The following GGCX variants were observed in gnomAD, a reference collection of about 807,000 sequenced individuals.
GGCX encodes the protein gamma-glutamyl carboxylase.
Under a neutral mutation model 88.5 loss-of-function variants are expected in GGCX, and 63 were observed. The ratio of observed to expected loss-of-function variants is 0.71; its 90% confidence interval spans 0.58 to 0.88. The LOEUF (loss-of-function observed/expected upper bound fraction) is 0.88. GGCX is among the 40% of genes least tolerant of loss of function. The pLI, the probability that GGCX is intolerant of heterozygous loss-of-function variation, is 0.00. For synonymous variants in GGCX, 368 were observed against 365.8 expected, an observed-to-expected ratio of 1.01 and a Z score of -0.07; for missense variants, 805 against 932.9, an observed-to-expected ratio of 0.86 and a Z score of 1.79.
intron 7 of GGCX, 25 bp from the exon 8 acceptor site, chr2:85,553,522 T>C (rs1226948219): frequency 6.2e-7 from 1 of 1,612,104 alleles, no homozygotes; most frequent in Non-Finnish European, 8.5e-7. Flanking sequence ...AGAAAATACA[T>C]ATTTCAGGAG....
intron 7 of GGCX, 50 bp downstream of exon 7, chr2:85,554,093 C>G (rs1165870664): frequency 1.0e-5 from 15 of 1,469,598 alleles, no homozygotes; most frequent in African/African-American, 1.4e-5. Flanking sequence ...TGGCTAGTCC[C>G]TTCCTGCAAA....
intron 5 of GGCX, 96 bp downstream of exon 5, chr2:85,556,086 C>A: frequency 1.2e-6 from 1 of 800,208 alleles, no homozygotes; most frequent in Non-Finnish European, 2.2e-6. Flanking sequence ...AACAGAAGAT[C>A]CAGGGAGGCA....
chr2:85,561,388 G>A lies in GGCX; in HGVS notation c.41C>T (p.Ser14Leu), dbSNP rs886812958. 1 of 1,567,806 alleles carries A rather than the reference G, an allele frequency of 6.4e-7. No homozygotes were observed. The highest frequency in any genetic ancestry group is 1.3e-5 in the African/African-American group (1 of 74,582). The stretch of plus-strand genomic sequence containing the variant: ...GGAGGGCGGGGTCCTAAGCCTACCT[G>A]AGCTGGGCGAGGTCCGCGCGGACCC... ...SAGSARTSPS[S>L]DKVQKDKAEL... The change falls in exon 1 of 15, where the codon TCA (serine) becomes TTA (leucine). Residue 14 changes from serine (S) to leucine (L), a missense_variant and splice_region_variant. Ser to Leu is a moderately radical substitution (Grantham distance 145). Coordinates refer to ENST00000233838, the MANE Select transcript of GGCX (RefSeq NM_000821.7).
At chr2:85,555,916 T>C (rs1452466758) in intron 5 of GGCX, among the ~76,000 whole-genome samples, 1 of 152,130 alleles carries the variant, frequency 6.6e-6, no homozygotes, top group East Asian at 1.9e-4. Flanking sequence ...AAGGAAGAAG[T>C]CATAAAGCAC....
intron 6 of GGCX, chr2:85,555,232 T>G: frequency 2.6e-6 from 1 of 390,386 alleles, no homozygotes; most frequent in Non-Finnish European, 4.9e-6. Flanking sequence ...GTCAGCCAGT[T>G]CCGGCTCTTT....
In GGCX at chr2:85,556,232, T is replaced by C. The variant is rs771921693; in HGVS notation, c.568A>G (p.Arg190Gly). 1 of 1,612,740 alleles carries C rather than the reference T, an allele frequency of 6.2e-7. No homozygotes were observed. The highest frequency in any genetic ancestry group is 8.5e-7 in the Non-Finnish European group (1 of 1,178,852). ...WSVDGLLNAH[R>G]RNAHVPLWNY... is the part of the protein sequence containing the mutation. ...CAAAGGGGCACGTGGGCATTCCTCC[T>C]ATGGGCATTCAGCAGACCGTCCACA... The change falls in exon 5 of 15, where the codon AGG becomes GGG. Residue 190 changes from arginine to glycine, a missense_variant. Physicochemically the swap from Arg to Gly is moderately radical, Grantham distance 125. Transcript: ENST00000233838.
Position 85,545,885 on chromosome 2 carries a change from T to G in GGCX, c.*4049A>C, listed in dbSNP as rs1236442111. 2 of 152,248 alleles carry G rather than the reference T, an allele frequency of 1.3e-5. No homozygotes were observed. The highest frequency in any genetic ancestry group is 2.9e-5 in the Non-Finnish European group (2 of 68,034). The allele number at this position is 152,248 out of a possible 1,614,324, so 9.4% of individuals were successfully genotyped here. On this transcript the variant is annotated 3_prime_UTR_variant, in exon 15 of 15. Coordinates refer to ENST00000233838, the MANE Select transcript of GGCX (RefSeq NM_000821.7). ...ATTTCTAGTCAATATCTTGCAGAGA[T>G]AAATAATGCAAATTAGCTGAAAATG... is the stretch of plus-strand genomic sequence containing the variant.
Position 85,548,476 on chromosome 2 carries a change from T to G in GGCX, c.*1458A>C, listed in dbSNP as rs1469466247. On this transcript the variant is annotated 3_prime_UTR_variant, in exon 15 of 15. Coordinates refer to ENST00000233838, the MANE Select transcript of GGCX (RefSeq NM_000821.7). The stretch of plus-strand genomic sequence containing the variant: ...GCACAGGAAAGAAACCTAGCATCGT[T>G]GGAAATCCTGGAGTAGACACAATCA... 2.0e-5 allele frequency: 3 copies of G among 152,214 alleles called. No homozygotes were observed. Among genetic ancestry groups the G allele is most frequent in the African/African-American group, 7.2e-5 (3 of 41,432 alleles). 9.4% of individuals were successfully genotyped at this position (152,214 alleles called of 1,614,324 possible). A position where few individuals can be genotyped will look rare whatever the true frequency, so the allele number is the denominator to read the frequency against.
In GGCX at chr2:85,545,671, A is replaced by G. The variant is rs1691624494; in HGVS notation, c.*4263T>C. The G allele has an allele frequency of 6.6e-6, 1 of 152,036 alleles. No individual in the cohort carries two copies. The highest frequency in any genetic ancestry group is 2.4e-5 in the African/African-American group (1 of 41,276). The allele number at this position is 152,036 out of a possible 1,614,324, so 9.4% of individuals were successfully genotyped here. A position where few individuals can be genotyped will look rare whatever the true frequency, so the allele number is the denominator to read the frequency against. On this transcript the variant is annotated 3_prime_UTR_variant, in exon 15 of 15. Transcript: ENST00000233838. ...CAGCAGCCATTCAATGCCATTTTTA[A>G]GTTTTCAACTAAGGTTGAGGGCTTC...
intron 3 of GGCX, 111 bp downstream of exon 3, chr2:85,558,806 T>C (rs915621382): frequency 1.9e-6 from 2 of 1,025,828 alleles, no homozygotes; most frequent in Non-Finnish European, 3.1e-6. Context: ...CAGCATGAAA[T>C]TGATCACAGC....
intron 4 of GGCX, among the ~76,000 whole-genome samples, chr2:85,557,453 A>G (rs1692251756): frequency 6.6e-6 from 1 of 152,186 alleles, no homozygotes; most frequent in Non-Finnish European, 1.5e-5. Context: ...ACGCCACTGC[A>G]CTCTAGCCTG....
Position 85,554,172 on chromosome 2 carries a change from T to C in GGCX, c.860A>G (p.His287Arg), listed in dbSNP as rs185952482. The C allele has an allele frequency of 6.2e-7, 1 of 1,613,162 alleles. No homozygotes were observed. The highest frequency in any genetic ancestry group is 1.7e-5 in the Admixed American group (1 of 60,002). The part of the protein sequence containing the change: ...SIGLFFVSYF[H>R]CMNSQLFSIG... The stretch of plus-strand genomic sequence containing the variant: ...GCTGAAAAGCTGGGAATTCATGCAG[T>C]GGAAGTAGGACACAAAGAACAGGCC... Residue 287 changes from histidine to arginine, a missense_variant, in exon 7 of 15, where the codon CAC becomes CGC. His to Arg is a conservative substitution (Grantham distance 29). Around this residue, in one of 3 missense-constraint regions of GGCX, gnomAD observed 680 missense variants for 763.7 expected, o/e 0.89. Coordinates refer to ENST00000233838, the MANE Select transcript of GGCX (RefSeq NM_000821.7).
intron 7 of GGCX, chr2:85,553,861 A>T (rs1420901061): frequency 2.0e-6 from 1 of 490,872 alleles, no homozygotes; most frequent in Non-Finnish European, 3.7e-6. Context: ...TCGGCCTCCC[A>T]AAGTGCTAGG....
At chr2:85,556,340 T>A in intron 4 of GGCX, 80 bp from the exon 5 acceptor site, 2 of 859,732 alleles carry the variant, frequency 2.3e-6, no homozygotes, top group Non-Finnish European at 3.9e-6. Flanking sequence ...TACACGATAA[T>A]CCTATCTATC....
At chr2:85,554,625 C>G in intron 6 of GGCX, 1 of 400,242 alleles carries the variant, frequency 2.5e-6, no homozygotes, top group Non-Finnish European at 4.7e-6. Flanking sequence ...GCCACCACGC[C>G]TAGCTGTTTT....
chr2:85,545,537 C>T lies in GGCX; in HGVS notation c.*4397G>A, dbSNP rs564820085. ...TTGTAATCCATAATTAGCCATAATTCAGGAAAATAACCTCAATCCCTAGAC... is the reference window on the plus strand; with the variant it reads ...TTGTAATCCATAATTAGCCATAATTTAGGAAAATAACCTCAATCCCTAGAC... On this transcript the variant is annotated 3_prime_UTR_variant, in exon 15 of 15. Transcript: ENST00000233838. 6.6e-5 allele frequency: 10 copies of T among 152,272 alleles called. No individual in the cohort carries two copies. Among genetic ancestry groups the T allele is most frequent in the African/African-American group, 1.2e-4 (5 of 41,532 alleles). 9.4% of individuals were successfully genotyped at this position (152,272 alleles called of 1,614,324 possible).
chr2:85,550,495 G>A (rs1691887847), intron 14 of GGCX, 60 bp downstream of exon 14: 7 of 1,257,494 alleles, frequency 5.6e-6, no homozygotes, highest in Non-Finnish European at 8.2e-6. Flanking sequence ...CTCTCCCCAG[G>A]GGAAAGTTAC....
intron 9 of GGCX, 147 bp from the exon 10 acceptor site, chr2:85,552,714 T>A: frequency 1.0e-6 from 1 of 994,624 alleles, no homozygotes; most frequent in Non-Finnish European, 1.6e-6. Context: ...GAATTTTTCA[T>A]TGTTGGGCTA....
chr2:85,551,739 A>G (rs1026836371), intron 11 of GGCX, 73 bp downstream of exon 11: 2 of 1,557,724 alleles, frequency 1.3e-6, no homozygotes, highest in Non-Finnish European at 1.8e-6. Flanking sequence ...CTCCCCTCCC[A>G]CCACATGGAA....
Sources: gnomAD v4.1 joint callset for allele counts (sites outside exome capture counted in the v4.1 genomes callset) on GRCh38, gnomAD v4.1.1 for gene constraint, gnomAD v4.1.1 regional missense constraint, MANE v1.5 for transcripts, NCBI Gene and HGNC (gene_info 2026-07-23, HGNC 2026-07-21) for gene names.